The following VWA7 variants were observed in gnomAD, a reference collection of about 807,000 sequenced individuals.
VWA7 encodes von Willebrand factor A domain-containing protein 7.
A neutral mutation model predicts 83.1 loss-of-function variants in VWA7; 66 were observed. The observed-to-expected ratio is 0.79, with a 90% CI of 0.65 to 0.98. The LOEUF (loss-of-function observed/expected upper bound fraction) is 0.98. VWA7 is among the 50% of genes least tolerant of loss of function. The pLI is 0.00. For missense variants in VWA7, 1,080 were observed against 1,160.2 expected (o/e 0.93, Z 1.00); for synonymous variants, 424 against 488.5 (o/e 0.87, Z 1.74).
In VWA7 at chr6:31,777,063, A is replaced by C; in HGVS notation, c.-16+46T>G. Reference sequence around the variant, plus strand: ...GCGTCCCCAGCCCTGCCGCAGAAACACTCCCCATGCTCAGGAAGCCTGAGT... The same window carrying C: ...GCGTCCCCAGCCCTGCCGCAGAAACCCTCCCCATGCTCAGGAAGCCTGAGT... On this transcript the variant is annotated intron_variant, in intron 1 of 16. Coordinates refer to ENST00000375688, the MANE Select transcript of VWA7 (RefSeq NM_025258.3). The surrounding 1 kb of genome is among the most constrained non-coding windows in gnomAD (Gnocchi z 5.8). 1 of 399,320 alleles carries C rather than the reference A, an allele frequency of 2.5e-6. No homozygotes were observed. Among genetic ancestry groups the C allele is most frequent in the Admixed American group, 4.1e-5 (1 of 24,180 alleles). 24.7% of individuals were successfully genotyped at this position (399,320 alleles called of 1,614,324 possible).
At chr6:31,767,125 T>G (rs778123581) in intron 13 of VWA7, 33 bp downstream of exon 13, 54 of 691,854 alleles carry the variant, frequency 7.8e-5, no homozygotes, top group Non-Finnish European at 1.1e-4. Flanking sequence ...AAACTGGGGG[T>G]TAGGTGGGTG....
Position 31,775,468 on chromosome 6 carries a change from T to C in VWA7, c.514-39A>G. The C allele has an allele frequency of 1.3e-6, 2 of 1,571,780 alleles. No homozygotes were observed. Among genetic ancestry groups the C allele is most frequent in the Non-Finnish European group, 1.7e-6 (2 of 1,151,610 alleles). Reference sequence around the variant, plus strand: ...CAGGAGAAGGGGAGTGAGGCACTAGTCTGGCCTTTCTCACCATCTCCAGCA... The same window carrying C: ...CAGGAGAAGGGGAGTGAGGCACTAGCCTGGCCTTTCTCACCATCTCCAGCA... On this transcript the variant is annotated intron_variant, in intron 3 of 16. Coordinates refer to ENST00000375688, the MANE Select transcript of VWA7 (RefSeq NM_025258.3). The surrounding 1 kb of genome is among the most constrained non-coding windows in gnomAD (Gnocchi z 5.9).
Position 31,769,314 on chromosome 6 carries a change from C to G in VWA7, c.1318-111G>C. ...CAGAGCTGATGGTTTGTGATAAGGT[C>G]TCTGCCTGCCTTCTGGCTGCTGGGG... On this transcript the variant is annotated intron_variant, in intron 9 of 16. Transcript: ENST00000375688. This position sits in a 1 kb window ranked among gnomAD's most constrained non-coding sequence, Gnocchi z 4.5. 1 of 1,318,310 alleles carries G rather than the reference C, an allele frequency of 7.6e-7. No individual in the cohort carries two copies. Among genetic ancestry groups the G allele is most frequent in the Non-Finnish European group, 1.0e-6 (1 of 971,760 alleles). 81.7% of individuals were successfully genotyped at this position (1,318,310 alleles called of 1,614,324 possible). A position where few individuals can be genotyped will look rare whatever the true frequency, so the allele number is the denominator to read the frequency against.
chr6:31,766,733 T>C lies in VWA7; in HGVS notation c.1914A>G (p.Thr638=). 5.6e-6 allele frequency: 9 copies of C among 1,608,002 alleles called. No individual in the cohort carries two copies. The highest frequency in any genetic ancestry group is 7.7e-6 in the Non-Finnish European group (9 of 1,176,110). Residue 638 remains threonine (T), a synonymous_variant, in exon 14 of 17, where the codon ACA becomes ACG. Transcript: ENST00000375688. The surrounding 1 kb of genome is among the most constrained non-coding windows in gnomAD (Gnocchi z 4.9). The part of the protein sequence containing the change: ...GLQTQLLVEV[T]GLGSRANPGD... ...CAGGATTGGCTCTGGAACCCAACCC[T>C]GTCACTTCTACCAGCAGCTGGGTCT... is the stretch of plus-strand genomic sequence containing the variant.
intron 12 of VWA7, 40 bp downstream of exon 12, chr6:31,767,322 A>G: frequency 6.2e-7 from 1 of 1,613,128 alleles, no homozygotes; most frequent in Non-Finnish European, 8.5e-7. Context: ...TGAGGCCTGC[A>G]GTCTCTGCTT....
intron 7 of VWA7, among the ~76,000 whole-genome samples, chr6:31,770,523 G>A (rs1812069606): frequency 6.9e-6 from 1 of 145,104 alleles, no homozygotes. Context: ...AGGTTGCAGT[G>A]AGCCGAGATC....
chr6:31,767,789 A>G lies in VWA7; in HGVS notation c.1504-35T>C, dbSNP rs569402716. ...TTGGCAGGACCAGAAAATGGGGAAGAAGATGAGGTATGGGATGAGGAACAA... is the reference window on the plus strand; with the variant it reads ...TTGGCAGGACCAGAAAATGGGGAAGGAGATGAGGTATGGGATGAGGAACAA... On this transcript the variant is annotated intron_variant, in intron 10 of 16. Coordinates refer to ENST00000375688, the MANE Select transcript of VWA7 (RefSeq NM_025258.3). 9 of 1,590,540 alleles carry G rather than the reference A, an allele frequency of 5.7e-6. No individual in the cohort carries two copies. In the East Asian group the frequency reaches 1.4e-4, roughly 24 times the overall value.
chr6:31,772,584 C>CTTTTTTTTTTTTTTTTTTTTTTTTTTT lies in VWA7; in HGVS notation c.1087+343_1087+369dup, dbSNP rs9279415. ...CTTTTCTTTTTTTTTTCTTTCTTTT[C>CTTTTTTTTTTTTTTTTTTTTTTTTTTT]TTTTTTTTTTTTTTTTTTTTTTTTT... is the stretch of plus-strand genomic sequence containing the variant. On this transcript the variant is annotated intron_variant, in intron 7 of 16. Coordinates refer to ENST00000375688, the MANE Select transcript of VWA7 (RefSeq NM_025258.3). 2.6e-3 allele frequency among the ~76,000 whole-genome samples: 92 copies of CTTTTTTTTTTTTTTTTTTTTTTTTTTT among 35,086 alleles called. 5 individuals carry two copies. The highest frequency in any genetic ancestry group is 3.4e-3 in the African/African-American group (25 of 7,390). 23.0% of individuals were successfully genotyped at this position (35,086 alleles called of 152,430 possible). A position where few individuals can be genotyped will look rare whatever the true frequency, so the allele number is the denominator to read the frequency against.
In VWA7 at chr6:31,769,534, C is replaced by T; in HGVS notation, c.1317+141G>A. On this transcript the variant is annotated intron_variant, in intron 9 of 16. Coordinates refer to ENST00000375688, the MANE Select transcript of VWA7 (RefSeq NM_025258.3). The surrounding 1 kb of genome is among the most constrained non-coding windows in gnomAD (Gnocchi z 4.5). ...ATTAAAGGTATCAGGAAATGTTCCACTCATTGTCTGCTTCTCCCACCATAT... is the reference window on the plus strand; with the variant it reads ...ATTAAAGGTATCAGGAAATGTTCCATTCATTGTCTGCTTCTCCCACCATAT... 2 of 777,750 alleles carry T rather than the reference C, an allele frequency of 2.6e-6. No homozygotes were observed. The highest frequency in any genetic ancestry group is 4.3e-6 in the Non-Finnish European group (2 of 460,620). 48.2% of individuals were successfully genotyped at this position (777,750 alleles called of 1,614,324 possible).
chr6:31,766,608 C>A lies in VWA7; in HGVS notation c.2039G>T (p.Arg680Leu), dbSNP rs28400004. 1 of 1,612,924 alleles carries A rather than the reference C, an allele frequency of 6.2e-7. No individual in the cohort carries two copies. Among genetic ancestry groups the A allele is most frequent in the Non-Finnish European group, 8.5e-7 (1 of 1,180,026 alleles). The part of the protein sequence containing the change: ...VPLEPVGPPE[R>L]GLLAASLSPT... ...CGACAGCGAGGCTGCGAGGAGACCT[C>A]GCTCCGGAGGTCCCACGGGCTCCAA... Residue 680 changes from arginine (R) to leucine (L), a missense_variant, in exon 14 of 17, where the codon CGA becomes CTA. Arg to Leu is a moderately radical substitution (Grantham distance 102). Transcript: ENST00000375688. This position sits in a 1 kb window ranked among gnomAD's most constrained non-coding sequence, Gnocchi z 4.9.
rs142459659 is a variant in VWA7, at chr6:31,767,183, G to C, written c.1857C>G (p.Leu619=). The C allele has an allele frequency of 5.5e-5, 85 of 1,553,442 alleles. No homozygotes were observed. The highest frequency in any genetic ancestry group is 7.0e-5 in the Non-Finnish European group (81 of 1,160,258). Reference sequence around the variant, plus strand: ...CTGCAACTGGCTGAGTCAGGGGGTAGAGGCCAGGGTGGGGTCCATCCTCCA... The same window carrying C: ...CTGCAACTGGCTGAGTCAGGGGGTACAGGCCAGGGTGGGGTCCATCCTCCA... The part of the protein sequence containing the change: ...IPMEDGPHPG[L]YPLTQPVAGL... The change falls in exon 13 of 17, where the codon CTC becomes CTG. Residue 619 remains leucine (L), a synonymous_variant. Transcript: ENST00000375688.
chr6:31,771,367 CAT>C, intron 7 of VWA7: 1 of 152,424 alleles, frequency 6.6e-6, no homozygotes, highest in South Asian at 2.0e-4. Context: ...GCTAACCAAT[CAT>C]ATCCCCTGTG....
chr6:31,775,626 T>C lies in VWA7; in HGVS notation c.514-197A>G, dbSNP rs1273405650. Among the ~76,000 whole-genome samples the C allele has an allele frequency of 6.8e-6, 1 of 147,522 alleles. No homozygotes were observed. The highest frequency in any genetic ancestry group is 1.5e-5 in the Non-Finnish European group (1 of 67,104). ...AGCAGAGCTTTGCCCAGGTGGAAAC[T>C]GTCCCAGCATCTCTTCCCAGCTCAG... On this transcript the variant is annotated intron_variant, in intron 3 of 16. Transcript: ENST00000375688. This position sits in a 1 kb window ranked among gnomAD's most constrained non-coding sequence, Gnocchi z 5.9.
In VWA7 at chr6:31,767,382, G is replaced by A. The variant is rs1308028821; in HGVS notation, c.1769C>T (p.Thr590Ile). 3 of 1,613,108 alleles carry A rather than the reference G, an allele frequency of 1.9e-6. No homozygotes were observed. In the African/African-American group the frequency reaches 4.0e-5, roughly 22 times the overall value. The change falls in exon 12 of 17, where the codon ACC (threonine) becomes ATC (isoleucine). Residue 590 changes from threonine to isoleucine, a missense_variant. Transcript: ENST00000375688. ...CTTACCTTGCACTCTCACCCCAGGGGTGTCCTCAGCTGTGACCTGGATCTC... is the reference window on the plus strand; with the variant it reads ...CTTACCTTGCACTCTCACCCCAGGGATGTCCTCAGCTGTGACCTGGATCTC... ...TWEIQVTAED[T>I]PGVRVQAQTS... is the part of the protein sequence containing the mutation.
rs1315917958 is a variant in VWA7, at chr6:31,775,244, C to T, written c.610+89G>A. 8.7e-7 allele frequency: 1 copy of T among 1,154,954 alleles called. No individual in the cohort carries two copies. Among genetic ancestry groups the T allele is most frequent in the African/African-American group, 1.6e-5 (1 of 64,052 alleles). The allele number at this position is 1,154,954 out of a possible 1,614,324, so 71.5% of individuals were successfully genotyped here. A position where few individuals can be genotyped will look rare whatever the true frequency, so the allele number is the denominator to read the frequency against. On this transcript the variant is annotated intron_variant, in intron 4 of 16. Transcript: ENST00000375688. This position sits in a 1 kb window ranked among gnomAD's most constrained non-coding sequence, Gnocchi z 5.9. ...TTGTGGAGATTAAGTAACATCATAC[C>T]CTCTGGGACTTCAGAATGTGACACA...
Position 31,775,106 on chromosome 6 carries a change from A to G in VWA7, c.610+227T>C, listed in dbSNP as rs900196322. 6.6e-6 allele frequency among the ~76,000 whole-genome samples: 1 copy of G among 152,174 alleles called. No individual in the cohort carries two copies. Among genetic ancestry groups the G allele is most frequent in the South Asian group, 2.1e-4 (1 of 4,822 alleles). On this transcript the variant is annotated intron_variant, in intron 4 of 16. Coordinates refer to ENST00000375688, the MANE Select transcript of VWA7 (RefSeq NM_025258.3). This position sits in a 1 kb window ranked among gnomAD's most constrained non-coding sequence, Gnocchi z 5.9. ...GGAGTCAGTGCGGGGAGGAAGCCAC[A>G]CTTAAGACGGGACTGAGGTCTGGAG...
rs766048309 is a variant in VWA7, at chr6:31,766,812, A to G, written c.1883-48T>C. On this transcript the variant is annotated intron_variant, in intron 13 of 16. Transcript: ENST00000375688. The surrounding 1 kb of genome is among the most constrained non-coding windows in gnomAD (Gnocchi z 4.9). ...AGAACATTGTGAGATTCGGAGACAC[A>G]GGGAGAAAAGAATTAATGGCCTTCA... 1 of 1,548,796 alleles carries G rather than the reference A, an allele frequency of 6.5e-7. No homozygotes were observed.
chr6:31,768,099 C>G (rs2151392026), intron 10 of VWA7, among the ~76,000 whole-genome samples: 1 of 137,382 alleles, frequency 7.3e-6, no homozygotes, highest in Non-Finnish European at 1.5e-5. Flanking sequence ...AAGATTGTAC[C>G]ATTGCACTCC....
At position 31,775,890 on chromosome 6, in the gene VWA7, C is replaced by A. The variant is rs1028031050; in HGVS notation, c.513+74G>T. The A allele has an allele frequency of 4.6e-6, 7 of 1,531,094 alleles. No homozygotes were observed. In the African/African-American group the frequency reaches 9.6e-5, roughly 21 times the overall value. The allele number at this position is 1,531,094 out of a possible 1,614,324, so 94.8% of individuals were successfully genotyped here. ...GGAGGAGACATGATCAAGAAGGCACCATAGGACGCGCTCCATCCCGGACAG... is the reference window on the plus strand; with the variant it reads ...GGAGGAGACATGATCAAGAAGGCACAATAGGACGCGCTCCATCCCGGACAG... On this transcript the variant is annotated intron_variant, in intron 3 of 16. Transcript: ENST00000375688. The surrounding 1 kb of genome is among the most constrained non-coding windows in gnomAD (Gnocchi z 5.9).
Sources: allele counts gnomAD v4.1 joint callset (sites outside exome capture counted in the v4.1 genomes callset), GRCh38; gene constraint gnomAD v4.1.1; non-coding constraint Gnocchi (gnomAD v3.1); transcripts MANE v1.5; gene names NCBI Gene and HGNC (gene_info 2026-07-23, HGNC 2026-07-21).